The following RARB variants were observed in gnomAD, a reference collection of about 807,000 sequenced individuals.
RARB encodes retinoic acid receptor beta.
RARB carries 17 observed loss-of-function variants against 51.9 expected under a neutral mutation model. The observed-to-expected ratio is 0.33, with a 90% CI of 0.22 to 0.49. The LOEUF (loss-of-function observed/expected upper bound fraction) is 0.49, where lower values mean the gene tolerates loss of function less well. Ranked by LOEUF, RARB falls within the 20% of genes least tolerant of loss-of-function variation. The pLI is 0.99. For missense variants in RARB, 369 were observed against 550.8 expected, an observed-to-expected ratio of 0.67 and a Z score of 3.30; for synonymous variants, 215 against 195.4, an observed-to-expected ratio of 1.10 and a Z score of -0.84.
At chr3:24,862,174 C>T (rs1702759927) in intron 2 of RARB, among the ~76,000 whole-genome samples, 1 of 152,206 alleles carries the variant, frequency 6.6e-6, no homozygotes, top group Non-Finnish European at 1.5e-5. Context: ...ACTGCTGCTG[C>T]TGACCCGCAT....
chr3:25,003,383 CA>C (rs1352105102), intron 2 of RARB, among the ~76,000 whole-genome samples: 3 of 151,992 alleles, frequency 2.0e-5, no homozygotes, highest in Admixed American at 6.6e-5. Flanking sequence ...ACTGAAATAA[CA>C]ATATAGTCTA....
At chr3:25,022,298 A>C (rs1192442722) in intron 2 of RARB, among the ~76,000 whole-genome samples, 1 of 152,156 alleles carries the variant, frequency 6.6e-6, no homozygotes, top group Non-Finnish European at 1.5e-5. Flanking sequence ...GCCATTAATT[A>C]GTTTTTCCAT....
At chr3:25,009,154 CA>C (rs1205549552) in intron 2 of RARB, among the ~76,000 whole-genome samples, 19 of 152,194 alleles carry the variant, frequency 1.2e-4, no homozygotes, top group African/African-American at 3.4e-4. Context: ...TTGAGCAAGT[CA>C]CTTAATTCTG....
chr3:24,991,798 T>C (rs1218221407), intron 2 of RARB, among the ~76,000 whole-genome samples: 1 of 151,800 alleles, frequency 6.6e-6, no homozygotes, highest in Non-Finnish European at 1.5e-5. Flanking sequence ...CTTAACCTCC[T>C]TTAATGTAAT....
intron 2 of RARB, among the ~76,000 whole-genome samples, chr3:24,948,036 G>A (rs954235383): frequency 2.0e-5 from 3 of 151,946 alleles, no homozygotes; most frequent in African/African-American, 7.3e-5. Flanking sequence ...ACTTGATAAT[G>A]TCTTTGTCAT....
At chr3:25,388,508 C>A (rs964660340) in intron 5 of RARB, among the ~76,000 whole-genome samples, 1 of 152,138 alleles carries the variant, frequency 6.6e-6, no homozygotes, top group African/African-American at 2.4e-5. Flanking sequence ...GATAAGTGGA[C>A]TTGATAAGTG....
At chr3:25,066,139 G>T (rs929148173) in intron 3 of RARB, among the ~76,000 whole-genome samples, 1 of 152,148 alleles carries the variant, frequency 6.6e-6, no homozygotes. Flanking sequence ...ATTTTAATGT[G>T]AGAGACATAA....
intron 1 of RARB, among the ~76,000 whole-genome samples, chr3:25,458,109 T>C (rs913282697): frequency 6.6e-6 from 1 of 152,196 alleles, no homozygotes; most frequent in African/African-American, 2.4e-5. Flanking sequence ...AACAAAATAT[T>C]TTTAAAATAA....
chr3:25,553,037 G>A lies in RARB; in HGVS notation c.449-16721G>A, dbSNP rs555259924. Among the ~76,000 whole-genome samples, 12 of 152,238 alleles carry A rather than the reference G, an allele frequency of 7.9e-5. No individual in the cohort carries two copies. In the East Asian group the frequency reaches 2.3e-3, roughly 29 times the overall value. On this transcript the variant is annotated intron_variant, in intron 3 of 7. Coordinates refer to ENST00000330688, the MANE Select transcript of RARB (RefSeq NM_000965.5). ...AATGAAAAACAGATATCCTACGAAG[G>A]AAGACGGGCAAACTATAATTCACTT...
chr3:25,224,022 A>G (rs1389683107), intron 5 of RARB, among the ~76,000 whole-genome samples: 1 of 152,218 alleles, frequency 6.6e-6, no homozygotes, highest in Non-Finnish European at 1.5e-5. Flanking sequence ...CATAATCAAG[A>G]AATGGTACAC....
intron 3 of RARB, among the ~76,000 whole-genome samples, chr3:25,113,258 G>A (rs951169438): frequency 6.6e-6 from 1 of 151,882 alleles, no homozygotes; most frequent in African/African-American, 2.4e-5. Context: ...AGGAATTCTT[G>A]GACTTGGACA....
chr3:25,580,406 A>G (rs891625528), intron 4 of RARB, 140 bp from the exon 5 acceptor site: 49 of 775,434 alleles, frequency 6.3e-5, no homozygotes, highest in Non-Finnish European at 9.6e-5. Context: ...TCCAGGCTAA[A>G]AAAAATGTAG....
intron 4 of RARB, among the ~76,000 whole-genome samples, chr3:25,163,504 A>AAAAAAAAAAAAAATAT (rs1303712411): frequency 1.1e-4 from 14 of 131,120 alleles, no homozygotes; most frequent in African/African-American, 4.5e-4. Flanking sequence ...CCTATCTCAA[A>AAAAAAAAAAAAAATAT]ATATATATAT....
At chr3:25,535,044 A>G (rs952994040) in intron 3 of RARB, among the ~76,000 whole-genome samples, 7 of 152,228 alleles carry the variant, frequency 4.6e-5, no homozygotes, top group African/African-American at 1.7e-4. Flanking sequence ...ATGATATGCA[A>G]TGGAAGGAGG....
chr3:24,935,635 C>T (rs539470000), intron 2 of RARB, among the ~76,000 whole-genome samples: 6 of 152,240 alleles, frequency 3.9e-5, no homozygotes, highest in African/African-American at 7.2e-5. Context: ...ATCCCTAGGA[C>T]GTAGAAGGCA....
chr3:25,226,201 A>C lies in RARB; in HGVS notation c.178+51626A>C, dbSNP rs1210524181. Among the ~76,000 whole-genome samples, 3 of 152,126 alleles carry C rather than the reference A, an allele frequency of 2.0e-5. No homozygotes were observed. In the South Asian group the frequency reaches 6.2e-4, roughly 31 times the overall value. On this transcript the variant is annotated intron_variant, in intron 5 of 11. Transcript: ENST00000383772. ...TTGAATAATCAGTTGAGTTAGAAAT[A>C]TTTTCAATTAGACTTCATGTTTACT...
At chr3:24,960,566 T>C (rs965328606) in intron 2 of RARB, among the ~76,000 whole-genome samples, 1 of 152,108 alleles carries the variant, frequency 6.6e-6, no homozygotes, top group Non-Finnish European at 1.5e-5. Flanking sequence ...CAAGAGACAA[T>C]GTGGAAAGTG....
chr3:25,283,403 C>G (rs1703571856), intron 5 of RARB, among the ~76,000 whole-genome samples: 1 of 152,182 alleles, frequency 6.6e-6, no homozygotes, highest in Admixed American at 6.5e-5. Flanking sequence ...GGTTGCAGAA[C>G]ATTAAATGAC....
At chr3:25,206,408 A>G (rs181660404) in intron 5 of RARB, among the ~76,000 whole-genome samples, 1 of 152,354 alleles carries the variant, frequency 6.6e-6, no homozygotes, top group Non-Finnish European at 1.5e-5. Context: ...AAAAATGTGT[A>G]AATCACTACT....
Sources: allele counts gnomAD v4.1 joint callset (sites outside exome capture counted in the v4.1 genomes callset), GRCh38; gene constraint gnomAD v4.1.1; transcripts MANE v1.5; gene names NCBI Gene and HGNC (gene_info 2026-07-23, HGNC 2026-07-21).